DAB1: variants seen among roughly 807,000 people sequenced by gnomAD.
DAB1 encodes DAB adaptor protein 1.
A neutral mutation model predicts 64.6 loss-of-function variants in DAB1; 15 were observed. The observed-to-expected ratio is 0.23, with a 90% confidence interval of 0.16 to 0.36. The LOEUF (loss-of-function observed/expected upper bound fraction) is 0.36. DAB1 is among the 10% of genes least tolerant of loss of function. DAB1 has a pLI of 1.00. For missense variants in DAB1, 596 were observed against 706.7 expected, an observed-to-expected ratio of 0.84 and a Z score of 1.78; for synonymous variants, 235 against 251.9, an observed-to-expected ratio of 0.93 and a Z score of 0.64.
chr1:57,256,623 T>C (rs1174208902), intron 2 of DAB1, among the ~76,000 whole-genome samples: 2 of 152,208 alleles, frequency 1.3e-5, no homozygotes, highest in Non-Finnish European at 2.9e-5. Context: ...ACACCACAGA[T>C]CTCTTTGGAT....
chr1:58,186,575 G>C (rs1657089291), intron 4 of DAB1, among the ~76,000 whole-genome samples: 1 of 152,146 alleles, frequency 6.6e-6, no homozygotes, highest in Admixed American at 6.5e-5. Flanking sequence ...AAAGGGAGTT[G>C]TTATTTAATT....
intron 6 of DAB1, among the ~76,000 whole-genome samples, chr1:57,757,315 G>C (rs1040381142): frequency 6.6e-6 from 1 of 150,852 alleles, no homozygotes; most frequent in Non-Finnish European, 1.5e-5. Context: ...GTGACTTTAG[G>C]CAATGTAGGA....
At chr1:57,156,918 C>T (rs2100867233) in intron 2 of DAB1, among the ~76,000 whole-genome samples, 1 of 152,306 alleles carries the variant, frequency 6.6e-6, no homozygotes, top group East Asian at 1.9e-4. Context: ...GCAGAAGCAG[C>T]AGAAGTCTCT....
chr1:58,454,643 GC>G (rs1477362850), intron 3 of DAB1, among the ~76,000 whole-genome samples: 118 of 152,212 alleles, frequency 7.8e-4, no homozygotes, highest in African/African-American at 2.4e-3. Context: ...GCCTCCTCCT[GC>G]TCCCCACCAC....
intron 6 of DAB1, among the ~76,000 whole-genome samples, chr1:57,660,833 C>T (rs1163780884): frequency 1.3e-5 from 2 of 152,210 alleles, no homozygotes; most frequent in Non-Finnish European, 2.9e-5. Flanking sequence ...AGCTTCAGAG[C>T]TTCCCACGGA....
intron 4 of DAB1, among the ~76,000 whole-genome samples, chr1:58,250,428 C>G (rs1660757404): frequency 6.6e-6 from 1 of 152,252 alleles, no homozygotes; most frequent in Admixed American, 6.5e-5. Flanking sequence ...GCTCCGCTGG[C>G]AGCAGTAGTG....
At chr1:58,392,694 C>T (rs10489813) in intron 3 of DAB1, among the ~76,000 whole-genome samples, 29,758 of 152,190 alleles carry the variant, frequency 0.2, 3,250 homozygotes, top group East Asian at 0.32. Flanking sequence ...GAGCTATATG[C>T]TTGGTGATTC....
intron 1 of DAB1, among the ~76,000 whole-genome samples, chr1:57,869,426 CACAA>C (rs112579838): frequency 0.063 from 9,570 of 152,080 alleles, 1,004 homozygotes; most frequent in African/African-American, 0.21. Flanking sequence ...TCTATTCATG[CACAA>C]ACAAAGTTGA....
At chr1:58,411,584 C>A (rs1557752394) in intron 3 of DAB1, among the ~76,000 whole-genome samples, 1 of 151,986 alleles carries the variant, frequency 6.6e-6, no homozygotes, top group Non-Finnish European at 1.5e-5. Context: ...GTTGTCCAAG[C>A]AAAGAGAAAG....
At chr1:58,434,424 A>AAG (rs778368611) in intron 3 of DAB1, among the ~76,000 whole-genome samples, 2 of 151,704 alleles carry the variant, frequency 1.3e-5, no homozygotes, top group African/African-American at 4.8e-5. Flanking sequence ...AAAAAAAAAA[A>AAG]AGGATGATTT....
At chr1:58,037,177 G>C (rs1307298051) in intron 5 of DAB1, among the ~76,000 whole-genome samples, 1 of 152,052 alleles carries the variant, frequency 6.6e-6, no homozygotes, top group Non-Finnish European at 1.5e-5. Flanking sequence ...ATGCACTCAG[G>C]GTATCAGAAC....
intron 6 of DAB1, among the ~76,000 whole-genome samples, chr1:57,725,484 C>T (rs756648991): frequency 2.6e-5 from 4 of 152,108 alleles, no homozygotes; most frequent in Admixed American, 1.3e-4. Flanking sequence ...TACTTATACT[C>T]GGCTAAGGTG....
At chr1:57,383,002 C>A (rs776053156) in intron 1 of DAB1, among the ~76,000 whole-genome samples, 12 of 151,316 alleles carry the variant, frequency 7.9e-5, no homozygotes, top group Non-Finnish European at 1.6e-4. Context: ...ATAAAACCAG[C>A]AAGTATACAG....
intron 4 of DAB1, among the ~76,000 whole-genome samples, chr1:57,090,126 T>C (rs1369904297): frequency 6.6e-6 from 1 of 152,140 alleles, no homozygotes; most frequent in East Asian, 1.9e-4. Flanking sequence ...GACAAAGTGA[T>C]AGGAGTTGTC....
intron 1 of DAB1, among the ~76,000 whole-genome samples, chr1:57,375,173 G>A (rs972405527): frequency 6.6e-6 from 1 of 152,118 alleles, no homozygotes; most frequent in African/African-American, 2.4e-5. Context: ...CTCCACAGGA[G>A]CAGGTGGCTG....
intron 2 of DAB1, among the ~76,000 whole-genome samples, chr1:58,506,533 T>C (rs186229380): frequency 6.6e-6 from 1 of 152,306 alleles, no homozygotes; most frequent in African/African-American, 2.4e-5. Flanking sequence ...GGTATCACAG[T>C]ACTGAAATAA....
intron 4 of DAB1, among the ~76,000 whole-genome samples, chr1:58,280,892 C>T (rs1345386828): frequency 6.6e-6 from 1 of 152,120 alleles, no homozygotes. Flanking sequence ...GGTGATCTTA[C>T]TTTAGAGACC....
At chr1:58,415,367 A>T (rs1644709556) in intron 3 of DAB1, 2 of 240,010 alleles carry the variant, frequency 8.3e-6, no homozygotes, top group Non-Finnish European at 1.4e-5. Context: ...ACTTGGCATC[A>T]CAACTTTTAC....
chr1:57,173,021 C>A (rs942974106), intron 2 of DAB1, among the ~76,000 whole-genome samples: 2 of 152,108 alleles, frequency 1.3e-5, no homozygotes, highest in African/African-American at 4.8e-5. Context: ...TTGCCACTGA[C>A]AACAATTATG....
Sources: allele counts gnomAD v4.1 joint callset (sites outside exome capture counted in the v4.1 genomes callset), GRCh38; gene constraint gnomAD v4.1.1; transcripts MANE v1.5; gene names NCBI Gene and HGNC (gene_info 2026-07-23, HGNC 2026-07-21).